Variants in FAM133A observed in about 807,000 individuals in gnomAD.
FAM133A encodes the protein family with sequence similarity 133 member A.
For missense variants in FAM133A, 159 were observed against 164.4 expected (o/e 0.97, Z 0.18); for synonymous variants, 65 against 58.6 (o/e 1.11, Z -0.50).
chrX:93,709,189 C>T (rs1927245489), intron 3 of FAM133A, 128 bp from the exon 4 acceptor site: 1 of 299,080 alleles, frequency 3.3e-6, no homozygotes, highest in Non-Finnish European at 5.6e-6. Flanking sequence ...ATTGTTTGTT[C>T]CCATGGTATA....
At chrX:93,682,069 G>A (rs1022453117) in intron 2 of FAM133A, among the ~76,000 whole-genome samples, 1 of 111,347 alleles carries the variant, frequency 9.0e-6, no homozygotes, top group Non-Finnish European at 1.9e-5. Context: ...CAAATTTTTA[G>A]TGATACTTCA....
Position 93,710,065 on chromosome X carries a change from G to C in FAM133A, c.646G>C (p.Glu216Gln), listed in dbSNP as rs201513170. 46 of 1,198,871 alleles carry C rather than the reference G, an allele frequency of 3.8e-5. No homozygotes were observed. The highest frequency in any genetic ancestry group is 3.8e-4 in the Admixed American group (17 of 44,859). The change falls in exon 4 of 4, where the codon GAA becomes CAA. Residue 216 changes from glutamate to glutamine, a missense_variant. Coordinates refer to ENST00000683942, the MANE Select transcript of FAM133A (RefSeq NM_001171109.2). ...AKKKRRCEER[E>Q]QAKEKVKKKK... ...AAAGAAGAGAAGGTGTGAAGAGCGAGAACAAGCAAAGGAAAAAGTAAAGAA... is the reference window on the plus strand; with the variant it reads ...AAAGAAGAGAAGGTGTGAAGAGCGACAACAAGCAAAGGAAAAAGTAAAGAA...
intron 2 of FAM133A, among the ~76,000 whole-genome samples, chrX:93,681,287 G>GTCTATCTATCTA (rs55666833): frequency 0.05 from 5,205 of 104,737 alleles, 232 homozygotes; most frequent in African/African-American, 0.13. Context: ...GATATATTCT[G>GTCTATCTATCTA]TCTATCTATC....
At chrX:93,676,591 TCA>T (rs1305224018) in intron 2 of FAM133A, among the ~76,000 whole-genome samples, 1 of 109,703 alleles carries the variant, frequency 9.1e-6, no homozygotes, top group Admixed American at 9.8e-5. Flanking sequence ...TAAATTACTT[TCA>T]GTTACTTTCA....
intron 2 of FAM133A, among the ~76,000 whole-genome samples, chrX:93,692,461 A>G (rs1925955701): frequency 8.9e-6 from 1 of 112,034 alleles, no homozygotes; most frequent in South Asian, 3.6e-4. Flanking sequence ...TGTTAAACTA[A>G]CACTTGTCTT....
At chrX:93,675,761 A>G (rs1924642387) in intron 2 of FAM133A, among the ~76,000 whole-genome samples, 1 of 111,508 alleles carries the variant, frequency 9.0e-6, no homozygotes, top group Non-Finnish European at 1.9e-5. Flanking sequence ...TGCTTGTCAT[A>G]TGCCGGGCAA....
At chrX:93,699,507 T>A (rs1926544193) in intron 3 of FAM133A, among the ~76,000 whole-genome samples, 1 of 111,567 alleles carries the variant, frequency 9.0e-6, no homozygotes, top group Non-Finnish European at 1.9e-5. Context: ...TTTGTTAATA[T>A]GTTCAGTAAC....
chrX:93,705,999 T>G (rs1927021622), intron 3 of FAM133A, among the ~76,000 whole-genome samples: 1 of 111,981 alleles, frequency 8.9e-6, no homozygotes, highest in Non-Finnish European at 1.9e-5. Flanking sequence ...TCACCTTCAA[T>G]TCAGTCTTTT....
chrX:93,693,574 A>G (rs1926033643), intron 2 of FAM133A, among the ~76,000 whole-genome samples: 1 of 111,075 alleles, frequency 9.0e-6, no homozygotes, highest in Admixed American at 9.6e-5. Flanking sequence ...GATTTTCACA[A>G]AAACCCACAA....
intron 3 of FAM133A, among the ~76,000 whole-genome samples, chrX:93,701,705 T>C (rs1409687334): frequency 1.8e-5 from 2 of 111,886 alleles, no homozygotes; most frequent in Admixed American, 9.5e-5. Flanking sequence ...AACAAGTACC[T>C]TCTTGGAAAA....
chrX:93,708,702 CAG>C (rs1387570732), intron 3 of FAM133A, among the ~76,000 whole-genome samples: 1 of 112,054 alleles, frequency 8.9e-6, no homozygotes, highest in Non-Finnish European at 1.9e-5. Context: ...CAGTCCTTGA[CAG>C]AGAATAAACA....
At chrX:93,697,898 G>C (rs1926410839) in intron 2 of FAM133A, among the ~76,000 whole-genome samples, 1 of 111,698 alleles carries the variant, frequency 9.0e-6, no homozygotes, top group Non-Finnish European at 1.9e-5. Context: ...ATTACTTAGG[G>C]TGGGGAAAAT....
intron 3 of FAM133A, among the ~76,000 whole-genome samples, chrX:93,708,189 T>C (rs1322630047): frequency 9.0e-6 from 1 of 111,674 alleles, no homozygotes; most frequent in Non-Finnish European, 1.9e-5. Context: ...AGCTGAAACC[T>C]GAAGGATGAG....
chrX:93,685,682 A>C (rs773193485), intron 2 of FAM133A, among the ~76,000 whole-genome samples: 3 of 111,926 alleles, frequency 2.7e-5, no homozygotes, highest in Non-Finnish European at 5.6e-5. Context: ...TCCCTTCTAC[A>C]CTGTCTTACG....
intron 3 of FAM133A, among the ~76,000 whole-genome samples, chrX:93,707,915 T>C (rs1042658022): frequency 4.5e-5 from 5 of 112,206 alleles, no homozygotes; most frequent in African/African-American, 6.5e-5. Context: ...CCTTTACCCT[T>C]CTTGGTCTTA....
At chrX:93,700,058 G>C (rs1204026721) in intron 3 of FAM133A, among the ~76,000 whole-genome samples, 1 of 108,869 alleles carries the variant, frequency 9.2e-6, no homozygotes, top group African/African-American at 3.3e-5. Flanking sequence ...AATTGAACTA[G>C]GATTAAATCA....
chrX:93,699,718 A>C (rs1225233456), intron 3 of FAM133A, among the ~76,000 whole-genome samples: 1 of 110,604 alleles, frequency 9.0e-6, no homozygotes, highest in Non-Finnish European at 1.9e-5. Context: ...GCATAATTTG[A>C]AAGTAAGTTA....
intron 3 of FAM133A, among the ~76,000 whole-genome samples, chrX:93,698,844 C>T (rs1926493969): frequency 9.0e-6 from 1 of 111,329 alleles, no homozygotes; most frequent in African/African-American, 3.3e-5. Flanking sequence ...TTTTTGAGAG[C>T]TTCAGTGGTG....
intron 2 of FAM133A, among the ~76,000 whole-genome samples, chrX:93,677,949 T>A (rs1924835224): frequency 8.9e-6 from 1 of 112,020 alleles, no homozygotes; most frequent in Admixed American, 9.5e-5. Flanking sequence ...CTGGATCACA[T>A]GGTAGGTGTA....
Sources: allele counts gnomAD v4.1 joint callset (sites outside exome capture counted in the v4.1 genomes callset), GRCh38; gene constraint gnomAD v4.1.1; transcripts MANE v1.5; gene names NCBI Gene and HGNC (gene_info 2026-07-23, HGNC 2026-07-21).